The following MGAT4C variants were observed in gnomAD, a reference collection of about 807,000 sequenced individuals.
MGAT4C encodes MGAT4 family member C, also known as alpha-1,3-mannosyl-glycoprotein 4-beta-N-acetylglucosaminyltransferase C.
In MGAT4C, 19 loss-of-function variants were observed where a neutral mutation model predicts 40.1. The observed-to-expected ratio is 0.47, with a 90% CI of 0.33 to 0.70. The LOEUF (loss-of-function observed/expected upper bound fraction) is 0.70, where lower values mean the gene tolerates loss of function less well. Among genes scored for constraint, MGAT4C ranks in the 30% least tolerant of loss-of-function variants. The probability of loss-of-function intolerance (pLI) is 0.02; values close to 1 mark genes in which losing one functional copy is unlikely to be tolerated. For missense variants in MGAT4C, 491 were observed against 563.2 expected (o/e 0.87, Z 1.30); for synonymous variants, 181 against 187.1 (o/e 0.97, Z 0.27).
chr12:86,814,486 C>G (rs1411745748), intron 1 of MGAT4C, among the ~76,000 whole-genome samples: 3 of 150,702 alleles, frequency 2.0e-5, no homozygotes, highest in African/African-American at 4.9e-5. Flanking sequence ...AATTCCAATT[C>G]TCTTATAATT....
intron 1 of MGAT4C, among the ~76,000 whole-genome samples, chr12:86,793,616 A>C (rs1301808063): frequency 1.3e-5 from 2 of 152,068 alleles, no homozygotes; most frequent in African/African-American, 4.8e-5. Flanking sequence ...GTTTCCAGTT[A>C]AACATTTCTG....
At chr12:86,138,414 G>A (rs1011887116) in intron 1 of MGAT4C, among the ~76,000 whole-genome samples, 1 of 148,346 alleles carries the variant, frequency 6.7e-6, no homozygotes, top group African/African-American at 2.5e-5. Flanking sequence ...CAAACTCAAT[G>A]TATCTCAATG....
intron 2 of MGAT4C, among the ~76,000 whole-genome samples, chr12:86,005,742 G>T: frequency 6.6e-6 from 1 of 152,122 alleles, no homozygotes; most frequent in East Asian, 1.9e-4. Flanking sequence ...CTTATGAAAA[G>T]TTCCAGCAAA....
chr12:86,229,428 G>A (rs1951227685), intron 1 of MGAT4C, among the ~76,000 whole-genome samples: 1 of 151,900 alleles, frequency 6.6e-6, no homozygotes, highest in Non-Finnish European at 1.5e-5. Context: ...ATATTTATGT[G>A]GACAAAGGCA....
At chr12:86,806,430 C>A (rs1185543744) in intron 1 of MGAT4C, among the ~76,000 whole-genome samples, 1 of 147,494 alleles carries the variant, frequency 6.8e-6, no homozygotes, top group East Asian at 2.0e-4. Flanking sequence ...TTACTTACAT[C>A]TGTGTGTGTG....
chr12:86,665,384 CT>C (rs1055385816), intron 2 of MGAT4C, among the ~76,000 whole-genome samples: 7 of 149,114 alleles, frequency 4.7e-5, no homozygotes, highest in Non-Finnish European at 3.0e-5. Context: ...AACTTTTTTT[CT>C]TTTTTTTTTG....
intron 2 of MGAT4C, among the ~76,000 whole-genome samples, chr12:86,565,563 G>A (rs1960055607): frequency 6.6e-6 from 1 of 152,172 alleles, no homozygotes; most frequent in Admixed American, 6.5e-5. Context: ...ATGGAGAAAT[G>A]GCCAGATGTG....
chr12:86,378,989 C>T (rs1331711414), intron 3 of MGAT4C, among the ~76,000 whole-genome samples: 1 of 152,116 alleles, frequency 6.6e-6, no homozygotes, highest in African/African-American at 2.4e-5. Flanking sequence ...TGAATCTGAA[C>T]TCTATCTTTT....
At chr12:86,475,212 C>G (rs953541901) in intron 2 of MGAT4C, among the ~76,000 whole-genome samples, 1 of 151,866 alleles carries the variant, frequency 6.6e-6, no homozygotes, top group African/African-American at 2.4e-5. Context: ...GGAAACTAAT[C>G]ACTAACTCAA....
rs1883438769 is a variant in MGAT4C at position 85,967,898 on chromosome 12, T to G, written c.*11391A>C. 2 of 152,228 alleles carry G rather than the reference T, an allele frequency of 1.3e-5. No individual in the cohort carries two copies. The highest frequency in any genetic ancestry group is 1.5e-5 in the Non-Finnish European group (1 of 67,946). 9.4% of individuals were successfully genotyped at this position (152,228 alleles called of 1,614,324 possible). ...TTGACTCAAATAGCTATCTCAAGTT[T>G]CGTACACTTTTTAGATCTCTATGTA... On this transcript the variant is annotated 3_prime_UTR_variant, in exon 5 of 5. Transcript: ENST00000611864.
chr12:86,792,724 G>C (rs1251572366), intron 1 of MGAT4C, among the ~76,000 whole-genome samples: 1 of 152,100 alleles, frequency 6.6e-6, no homozygotes. Context: ...CTGAGGTCAT[G>C]AGTTCAAGAC....
At chr12:86,700,322 TAGAG>T (rs946716899) in intron 2 of MGAT4C, among the ~76,000 whole-genome samples, 1 of 151,930 alleles carries the variant, frequency 6.6e-6, no homozygotes, top group African/African-American at 2.4e-5. Context: ...GAGTTAATTT[TAGAG>T]AGAGAGACTG....
At chr12:86,827,301 G>A (rs1952826733) in intron 1 of MGAT4C, among the ~76,000 whole-genome samples, 1 of 151,428 alleles carries the variant, frequency 6.6e-6, no homozygotes, top group Admixed American at 6.6e-5. Context: ...GTGCAAAAAT[G>A]TACATGGTCA....
chr12:86,337,469 G>C, intron 3 of MGAT4C, among the ~76,000 whole-genome samples: 1 of 151,602 alleles, frequency 6.6e-6, no homozygotes, highest in South Asian at 2.1e-4. Context: ...GATAGTCCCA[G>C]CTACTTGAGA....
chr12:86,368,700 C>T (rs1321380655), intron 3 of MGAT4C, among the ~76,000 whole-genome samples: 1 of 151,886 alleles, frequency 6.6e-6, no homozygotes, highest in Admixed American at 6.6e-5. Flanking sequence ...AAAATTCTTT[C>T]TCTTCTTATT....
intron 4 of MGAT4C, among the ~76,000 whole-genome samples, chr12:86,267,058 AGTTTT>A (rs1317296622): frequency 6.6e-6 from 1 of 151,646 alleles, no homozygotes; most frequent in African/African-American, 2.4e-5. Context: ...CAAATAATCT[AGTTTT>A]GTTTTATCTT....
At chr12:86,283,179 C>A (rs1014597781) in intron 4 of MGAT4C, among the ~76,000 whole-genome samples, 1 of 150,882 alleles carries the variant, frequency 6.6e-6, no homozygotes, top group African/African-American at 2.4e-5. Context: ...TACCATTCTG[C>A]CTTCCACCAC....
At chr12:86,588,558 A>G (rs1961171716) in intron 2 of MGAT4C, among the ~76,000 whole-genome samples, 2 of 152,074 alleles carry the variant, frequency 1.3e-5, no homozygotes, top group Non-Finnish European at 2.9e-5. Context: ...TGGACCTAAT[A>G]GACATCTACA....
chr12:86,809,166 A>G (rs1952422171), intron 1 of MGAT4C, among the ~76,000 whole-genome samples: 1 of 152,152 alleles, frequency 6.6e-6, no homozygotes, highest in South Asian at 2.1e-4. Flanking sequence ...TCCCATGTTC[A>G]TGGATAGGAT....
Sources: gnomAD v4.1 joint callset for allele counts (sites outside exome capture counted in the v4.1 genomes callset) on GRCh38, gnomAD v4.1.1 for gene constraint, MANE v1.5 for transcripts, NCBI Gene and HGNC (gene_info 2026-07-23, HGNC 2026-07-21) for gene names.